Variants in ELAVL1 observed in about 807,000 individuals in gnomAD.
The protein encoded by ELAVL1 is ELAV like RNA binding protein 1, also known as ELAV-like protein 1.
In ELAVL1, 1 loss-of-function variant was observed where a neutral mutation model predicts 28.4. The observed-to-expected ratio is 0.04, with a 90% CI of 0.01 to 0.17. The LOEUF (loss-of-function observed/expected upper bound fraction) is 0.17, where lower values mean the gene tolerates loss of function less well. Ranked by LOEUF, ELAVL1 falls within the 10% of genes least tolerant of loss-of-function variation. The pLI, the probability that ELAVL1 is intolerant of heterozygous loss-of-function variation, is 1.00. For synonymous variants in ELAVL1, 174 were observed against 183.5 expected (o/e 0.95, Z 0.42); for missense variants, 157 against 447.2 (o/e 0.35, Z 5.85).
chr19:7,963,937 G>T lies in ELAVL1; in HGVS notation c.657-130C>A, dbSNP rs1179258884. The T allele has an allele frequency of 2.0e-5, 20 of 1,020,006 alleles. No homozygotes were observed. The highest frequency in any genetic ancestry group is 2.8e-5 in the Admixed American group (1 of 35,626). The allele number at this position is 1,020,006 out of a possible 1,614,324, so 63.2% of individuals were successfully genotyped here. A position where few individuals can be genotyped will look rare whatever the true frequency, so the allele number is the denominator to read the frequency against. ...TCTGCGCAGCCACGAGGTGCTCACG[G>T]TTGAGACACCTGCATGGGTCAAAAC... On this transcript the variant is annotated intron_variant, in intron 5 of 5. Transcript: ENST00000407627. The surrounding 1 kb of genome is among the most constrained non-coding windows in gnomAD (Gnocchi z 4.5).
At chr19:7,972,800 CTTTTTTTTTTTTTTTTTTT>C (rs386388490) in intron 4 of ELAVL1, 1 of 42,050 alleles carries the variant, frequency 2.4e-5, no homozygotes, top group African/African-American at 9.7e-5. Flanking sequence ...CTGCAGTATC[CTTTTTTTTTTTTTTTTTTT>C]TTTTTTTTTT....
chr19:7,996,437 C>T (rs991105909), intron 1 of ELAVL1, among the ~76,000 whole-genome samples: 1 of 151,934 alleles, frequency 6.6e-6, no homozygotes, highest in Admixed American at 6.5e-5. Context: ...CATCTGCCCA[C>T]CTCGGCCTCC....
chr19:7,967,426 T>C, intron 5 of ELAVL1, 139 bp downstream of exon 5: 6 of 924,484 alleles, frequency 6.5e-6, no homozygotes, highest in Non-Finnish European at 9.6e-6. Context: ...GGTTGTGGTG[T>C]GGAGCTGCAG....
intron 1 of ELAVL1, among the ~76,000 whole-genome samples, chr19:7,996,419 G>A (rs1312145301): frequency 6.6e-6 from 1 of 151,886 alleles, no homozygotes; most frequent in East Asian, 2.0e-4. Context: ...CTGACCTCGT[G>A]ATCTGCCCAT....
At chr19:7,971,630 G>T (rs1985114207) in intron 4 of ELAVL1, among the ~76,000 whole-genome samples, 1 of 152,252 alleles carries the variant, frequency 6.6e-6, no homozygotes, top group African/African-American at 2.4e-5. Context: ...CCTCTCCCCA[G>T]AGCAAAGGCA....
In ELAVL1 at chr19:7,963,437, C is replaced by T; in HGVS notation, c.*46G>A. On this transcript the variant is annotated 3_prime_UTR_variant, in exon 6 of 6. Transcript: ENST00000407627. This position sits in a 1 kb window ranked among gnomAD's most constrained non-coding sequence, Gnocchi z 4.5. ...ACACTAACAAGAAAAGTTTCAACTC[C>T]TTCACTCTTAATTATCTATTCCGTA... 6.4e-7 allele frequency: 1 copy of T among 1,553,944 alleles called. No homozygotes were observed.
rs1984842220 is a variant in ELAVL1, at chr19:7,962,618, C to T, written c.*865G>A. The T allele has an allele frequency of 6.6e-6, 1 of 152,622 alleles. No homozygotes were observed. Among genetic ancestry groups the T allele is most frequent in the Non-Finnish European group, 1.5e-5 (1 of 68,050 alleles). The allele number at this position is 152,622 out of a possible 1,614,324, so 9.5% of individuals were successfully genotyped here. On this transcript the variant is annotated 3_prime_UTR_variant, in exon 6 of 6. Transcript: ENST00000407627. ...ATTAAAATACAGAGCCATTTTACGCCTCCAAGCTATGTTAAATGCTCTGGA... is the reference window on the plus strand; with the variant it reads ...ATTAAAATACAGAGCCATTTTACGCTTCCAAGCTATGTTAAATGCTCTGGA...
intron 5 of ELAVL1, among the ~76,000 whole-genome samples, chr19:7,965,824 C>A (rs1042650501): frequency 2.0e-5 from 3 of 152,182 alleles, no homozygotes; most frequent in African/African-American, 7.2e-5. Context: ...AAGAGCAGGA[C>A]CGACTGTATG....
In ELAVL1 at chr19:7,963,810, G is replaced by A. The variant is rs1327646718; in HGVS notation, c.657-3C>T. The A allele has an allele frequency of 6.2e-7, 1 of 1,612,432 alleles. No individual in the cohort carries two copies. The highest frequency in any genetic ancestry group is 1.7e-5 in the Admixed American group (1 of 59,970). On this transcript the variant is annotated splice_polypyrimidine_tract_variant and splice_region_variant and intron_variant, in intron 5 of 5. Coordinates refer to ENST00000407627, the MANE Select transcript of ELAVL1 (RefSeq NM_001419.3). This position sits in a 1 kb window ranked among gnomAD's most constrained non-coding sequence, Gnocchi z 4.5. ...GATCGACGCCCATGGGGGAGAACCT[G>A]GCAGACAGAGAGCAAGCGTCAGGCC...
chr19:7,988,537 AGAGGATGCTTCTGGAAG>A lies in ELAVL1; in HGVS notation c.172+3090_172+3106del, dbSNP rs139872688. Among the ~76,000 whole-genome samples, 227 of 152,222 alleles carry A rather than the reference AGAGGATGCTTCTGGAAG, an allele frequency of 1.5e-3. 1 individual carries two copies. In the East Asian group the frequency reaches 0.034, roughly 23 times the overall value. On this transcript the variant is annotated intron_variant, in intron 2 of 5. Transcript: ENST00000407627. ...GGAGGTGCTCCTGAAAGCCAATGGGAGAGGATGCTTCTGGAAGGAGGTGGAGACAGGGAACAGGACAG... is the reference window on the plus strand; with the variant it reads ...GGAGGTGCTCCTGAAAGCCAATGGGAGAGGTGGAGACAGGGAACAGGACAG...
chr19:7,975,978 A>C (rs2051383860), intron 3 of ELAVL1, among the ~76,000 whole-genome samples: 1 of 151,974 alleles, frequency 6.6e-6, no homozygotes, highest in Non-Finnish European at 1.5e-5. Context: ...CTCTATTCCC[A>C]GCTACTCGGG....
At chr19:8,003,312 G>A (rs1315221272) in intron 1 of ELAVL1, among the ~76,000 whole-genome samples, 1 of 123,912 alleles carries the variant, frequency 8.1e-6, no homozygotes, top group African/African-American at 3.1e-5. Context: ...AGCTGAGATG[G>A]CACAACTGCA....
intron 2 of ELAVL1, among the ~76,000 whole-genome samples, chr19:7,991,028 G>T (rs767777001): frequency 7.9e-5 from 12 of 152,178 alleles, no homozygotes; most frequent in Non-Finnish European, 1.6e-4. Context: ...GGACACAAAG[G>T]CTTAGAAGTC....
chr19:7,968,616 C>G (rs572579491), intron 4 of ELAVL1, among the ~76,000 whole-genome samples: 2 of 152,242 alleles, frequency 1.3e-5, no homozygotes, highest in African/African-American at 2.4e-5. Flanking sequence ...GCCACCTCAA[C>G]TGAGCCACCC....
chr19:8,003,357 AAAAAAAAAAAAAAAAAAG>A (rs1568318919), intron 1 of ELAVL1, among the ~76,000 whole-genome samples: 1 of 70,300 alleles, frequency 1.4e-5, no homozygotes, highest in Non-Finnish European at 3.7e-5. Flanking sequence ...AACTGTCTCA[AAAAAAAAAAAAAAAAAAG>A]AAAAAGAAAA....
chr19:7,972,452 G>A (rs1418597313), intron 4 of ELAVL1, among the ~76,000 whole-genome samples: 2 of 152,240 alleles, frequency 1.3e-5, no homozygotes, highest in Non-Finnish European at 1.5e-5. Context: ...GGCCAGCAAA[G>A]TGGCCAGGAT....
chr19:7,997,258 C>T (rs1246401484), intron 1 of ELAVL1, among the ~76,000 whole-genome samples: 6 of 152,156 alleles, frequency 3.9e-5, no homozygotes, highest in Non-Finnish European at 7.3e-5. Context: ...ATGTGCAGAG[C>T]GGCATTATTC....
At chr19:7,990,168 G>A (rs1339411201) in intron 2 of ELAVL1, among the ~76,000 whole-genome samples, 6 of 151,972 alleles carry the variant, frequency 3.9e-5, no homozygotes, top group Non-Finnish European at 7.4e-5. Flanking sequence ...GATTATAGGC[G>A]TGCGCCACCA....
chr19:7,996,083 C>T (rs1238052654), intron 1 of ELAVL1, among the ~76,000 whole-genome samples: 3 of 151,970 alleles, frequency 2.0e-5, no homozygotes, highest in Admixed American at 1.3e-4. Context: ...ACTATGTTGC[C>T]CACGCTGGTC....
Sources: gnomAD v4.1 joint callset for allele counts (sites outside exome capture counted in the v4.1 genomes callset) on GRCh38, gnomAD v4.1.1 for gene constraint, Gnocchi (gnomAD v3.1) non-coding constraint, MANE v1.5 for transcripts, NCBI Gene and HGNC (gene_info 2026-07-23, HGNC 2026-07-21) for gene names.